ARHGAP24: variants seen among roughly 807,000 people sequenced by gnomAD.
ARHGAP24 encodes Rho GTPase activating protein 24, also known as rho GTPase-activating protein 24.
Under a neutral mutation model 76.4 loss-of-function variants are expected in ARHGAP24, and 50 were observed. The observed-to-expected ratio is 0.65, with a 90% CI of 0.52 to 0.83. The LOEUF (loss-of-function observed/expected upper bound fraction) is 0.83, where lower values mean the gene tolerates loss of function less well. ARHGAP24 is among the 40% of genes least tolerant of loss of function. ARHGAP24 has a pLI of 0.00. For missense variants in ARHGAP24, 930 were observed against 914.2 expected (o/e 1.02, Z -0.22); for synonymous variants, 345 against 323.3 (o/e 1.07, Z -0.72).
At chr4:85,955,481 AT>A (rs1168696366) in intron 5 of ARHGAP24, among the ~76,000 whole-genome samples, 2 of 152,174 alleles carry the variant, frequency 1.3e-5, no homozygotes, top group African/African-American at 4.8e-5. Context: ...TCTCTGAAGG[AT>A]TTAGGGAAGT....
intron 3 of ARHGAP24, among the ~76,000 whole-genome samples, chr4:85,897,878 T>A (rs939133897): frequency 3.3e-5 from 5 of 151,806 alleles, no homozygotes; most frequent in African/African-American, 1.2e-4. Flanking sequence ...GATAAAGTGG[T>A]GGGTGTGTGC....
intron 3 of ARHGAP24, among the ~76,000 whole-genome samples, chr4:85,811,552 A>C (rs1047537109): frequency 1.3e-5 from 2 of 152,190 alleles, no homozygotes; most frequent in Non-Finnish European, 2.9e-5. Context: ...AGTAGGTTTC[A>C]CCCTAAAGTT....
chr4:85,917,646 C>T (rs912860708), intron 3 of ARHGAP24, among the ~76,000 whole-genome samples: 13 of 152,146 alleles, frequency 8.5e-5, no homozygotes, highest in Admixed American at 8.5e-4. Flanking sequence ...TTTTGATTTG[C>T]ATTTCTCTGA....
intron 2 of ARHGAP24, among the ~76,000 whole-genome samples, chr4:85,662,194 C>T (rs367982052): frequency 6.6e-6 from 1 of 152,062 alleles, no homozygotes; most frequent in Admixed American, 6.6e-5. Context: ...TCCTGACTTT[C>T]TAATGATTGC....
chr4:85,673,382 C>T (rs888972217), intron 2 of ARHGAP24, among the ~76,000 whole-genome samples: 1 of 152,046 alleles, frequency 6.6e-6, no homozygotes, highest in African/African-American at 2.4e-5. Flanking sequence ...GATACTCTTC[C>T]ATACTCACTT....
At chr4:85,894,983 A>G (rs1358440719) in intron 3 of ARHGAP24, among the ~76,000 whole-genome samples, 3 of 21,358 alleles carry the variant, frequency 1.4e-4, no homozygotes, top group African/African-American at 4.2e-4. Context: ...AAAAAAAAAA[A>G]AAAAACAAAA....
At chr4:85,987,831 T>C (rs899233823) in intron 8 of ARHGAP24, among the ~76,000 whole-genome samples, 8 of 151,740 alleles carry the variant, frequency 5.3e-5, no homozygotes, top group Non-Finnish European at 1.2e-4. Flanking sequence ...CACAAAGATC[T>C]CAGAAGCTCA....
chr4:85,942,623 G>A (rs1237798603), intron 5 of ARHGAP24, among the ~76,000 whole-genome samples: 1 of 152,080 alleles, frequency 6.6e-6, no homozygotes, highest in Admixed American at 6.5e-5. Context: ...AATGTTAAAA[G>A]TATTATGAGT....
At chr4:85,957,953 A>G (rs930312735) in intron 5 of ARHGAP24, among the ~76,000 whole-genome samples, 2 of 152,180 alleles carry the variant, frequency 1.3e-5, no homozygotes, top group Admixed American at 6.5e-5. Flanking sequence ...TTTCCTTTCA[A>G]TTTATCTTTG....
chr4:85,683,120 G>GGGC (rs1723282714), intron 2 of ARHGAP24, among the ~76,000 whole-genome samples: 2 of 111,762 alleles, frequency 1.8e-5, no homozygotes, highest in African/African-American at 7.6e-5. Context: ...GGGGGGGTGG[G>GGGC]GGGGGGGTGC....
intron 2 of ARHGAP24, among the ~76,000 whole-genome samples, chr4:85,651,491 G>A (rs1194560064): frequency 6.7e-6 from 1 of 148,850 alleles, no homozygotes; most frequent in Non-Finnish European, 1.5e-5. Context: ...TTCCTTTGCT[G>A]TACCTCCTAA....
intron 3 of ARHGAP24, among the ~76,000 whole-genome samples, chr4:85,745,740 T>A (rs4693125): frequency 6.6e-6 from 1 of 152,180 alleles, no homozygotes; most frequent in African/African-American, 2.4e-5. Context: ...GGGCTACAGA[T>A]TACCAAACTA....
chr4:85,750,181 A>C (rs922231118), intron 3 of ARHGAP24, among the ~76,000 whole-genome samples: 4 of 152,338 alleles, frequency 2.6e-5, no homozygotes, highest in African/African-American at 7.2e-5. Context: ...CAGTTAATGT[A>C]TAAGTGTCAG....
At chr4:85,915,328 A>G (rs1297830153) in intron 3 of ARHGAP24, among the ~76,000 whole-genome samples, 1 of 152,248 alleles carries the variant, frequency 6.6e-6, no homozygotes, top group East Asian at 1.9e-4. Context: ...TTCATAAATC[A>G]CTGAAAAGTA....
chr4:85,532,983 TGG>T (rs1158276999), intron 1 of ARHGAP24, among the ~76,000 whole-genome samples: 1 of 152,194 alleles, frequency 6.6e-6, no homozygotes, highest in Non-Finnish European at 1.5e-5. Context: ...GCTAAGACCA[TGG>T]GGTGACACCT....
intron 4 of ARHGAP24, among the ~76,000 whole-genome samples, chr4:85,941,071 T>C (rs761772723): frequency 2.1e-4 from 32 of 152,320 alleles, no homozygotes; most frequent in Non-Finnish European, 4.3e-4. Context: ...TCCCCTTTCA[T>C]GAAACTCAGA....
intron 1 of ARHGAP24, among the ~76,000 whole-genome samples, chr4:85,567,200 G>A (rs59605111): frequency 2.0e-5 from 3 of 152,040 alleles, no homozygotes; most frequent in Non-Finnish European, 2.9e-5. Flanking sequence ...TTAAAAGCTC[G>A]CTTTGGCTGC....
intron 4 of ARHGAP24, among the ~76,000 whole-genome samples, chr4:85,938,782 C>T (rs1387169102): frequency 6.6e-6 from 1 of 151,362 alleles, no homozygotes; most frequent in East Asian, 1.9e-4. Flanking sequence ...AAGGAAATTG[C>T]TTTGGGGGGC....
chr4:85,745,448 G>T (rs1035418488), intron 3 of ARHGAP24, among the ~76,000 whole-genome samples: 2 of 135,072 alleles, frequency 1.5e-5, no homozygotes, highest in East Asian at 4.2e-4. Flanking sequence ...ACATATGCTG[G>T]GCATGGTGCT....
Sources: allele counts gnomAD v4.1 joint callset (sites outside exome capture counted in the v4.1 genomes callset), GRCh38; gene constraint gnomAD v4.1.1; transcripts MANE v1.5; gene names NCBI Gene and HGNC (gene_info 2026-07-23, HGNC 2026-07-21).